Variants in FBXO9 observed in about 807,000 individuals in gnomAD.
The protein encoded by FBXO9 is F-box protein 9, also known as F-box only protein 9.
FBXO9 carries 43 observed loss-of-function variants against 63.7 expected under a neutral mutation model. The observed-to-expected ratio is 0.67, with a 90% CI of 0.53 to 0.87. The LOEUF is 0.87. Among genes scored for constraint, FBXO9 ranks in the 40% least tolerant of loss-of-function variants. The pLI, the probability that FBXO9 is intolerant of heterozygous loss-of-function variation, is 0.00. For synonymous variants in FBXO9, 156 were observed against 171.7 expected (o/e 0.91, Z 0.72); for missense variants, 442 against 533.2 (o/e 0.83, Z 1.68).
intron 4 of FBXO9, among the ~76,000 whole-genome samples, chr6:53,077,286 A>G (rs547796811): frequency 6.6e-6 from 1 of 151,862 alleles, no homozygotes; most frequent in South Asian, 2.1e-4. Context: ...CATCCCGGCT[A>G]AAACGGTGAA....
In FBXO9 at chr6:53,078,786, TTTC is replaced by T. The variant is rs1299558673; in HGVS notation, c.308-7_308-5del. On this transcript the variant is annotated splice_polypyrimidine_tract_variant and intron_variant, in intron 4 of 12. Coordinates refer to ENST00000323557, the MANE Select transcript of FBXO9 (RefSeq NM_033480.3). ...TGTGGTCACAGCTAATTTAGCTTTA[TTTC>T]TTCTTTTAGCCATCAAGTTTTATCG... 6.3e-7 allele frequency: 1 copy of T among 1,591,450 alleles called. No individual in the cohort carries two copies. Among genetic ancestry groups the T allele is most frequent in the East Asian group, 2.2e-5 (1 of 44,738 alleles).
intron 2 of FBXO9, among the ~76,000 whole-genome samples, chr6:53,073,123 T>C (rs1195047496): frequency 6.6e-6 from 1 of 152,232 alleles, no homozygotes; most frequent in Admixed American, 6.5e-5. Flanking sequence ...TTGGCAGCAT[T>C]CTTAATGTCT....
intron 7 of FBXO9, among the ~76,000 whole-genome samples, chr6:53,084,436 A>G (rs866191973): frequency 6.6e-5 from 10 of 152,232 alleles, no homozygotes; most frequent in Admixed American, 1.3e-4. Context: ...TGAAATTTCA[A>G]TTACACCATT....
intron 1 of FBXO9, among the ~76,000 whole-genome samples, chr6:53,069,625 G>A (rs1399487091): frequency 6.6e-6 from 1 of 152,140 alleles, no homozygotes; most frequent in East Asian, 1.9e-4. Flanking sequence ...CATATTTATT[G>A]ACACCTCAGC....
intron 7 of FBXO9, among the ~76,000 whole-genome samples, chr6:53,082,850 A>T (rs1262673716): frequency 6.6e-6 from 1 of 152,224 alleles, no homozygotes; most frequent in Non-Finnish European, 1.5e-5. Flanking sequence ...AGTAACCCAT[A>T]CTACTACCAT....
At chr6:53,090,384 CTA>C (rs1245954374) in intron 7 of FBXO9, among the ~76,000 whole-genome samples, 1 of 152,134 alleles carries the variant, frequency 6.6e-6, no homozygotes, top group East Asian at 1.9e-4. Flanking sequence ...TGAGAAAATA[CTA>C]TAAAGAAGGA....
chr6:53,065,743 G>C lies in FBXO9; in HGVS notation c.-47G>C. 7.0e-7 allele frequency: 1 copy of C among 1,423,728 alleles called. No individual in the cohort carries two copies. The highest frequency in any genetic ancestry group is 1.4e-5 in the South Asian group (1 of 70,806). 88.2% of individuals were successfully genotyped at this position (1,423,728 alleles called of 1,614,324 possible). A position where few individuals can be genotyped will look rare whatever the true frequency, so the allele number is the denominator to read the frequency against. On this transcript the variant is annotated 5_prime_UTR_variant, in exon 1 of 13. Transcript: ENST00000323557. ...CACCCCTCCTCCGGGGGGCGGTGCA[G>C]AGGGGGCACGGAGAGCCCCTCGAGC... is the stretch of plus-strand genomic sequence containing the variant.
At chr6:53,095,113 C>T (rs995414192) in intron 11 of FBXO9, among the ~76,000 whole-genome samples, 2 of 152,158 alleles carry the variant, frequency 1.3e-5, no homozygotes, top group African/African-American at 4.8e-5. Context: ...ATCACTTTCC[C>T]TCTTAAAAAA....
chr6:53,066,943 C>T lies in FBXO9; in HGVS notation c.3+1151C>T, dbSNP rs540501541. On this transcript the variant is annotated intron_variant, in intron 1 of 12. Coordinates refer to ENST00000323557, the MANE Select transcript of FBXO9 (RefSeq NM_033480.3). ...TAGTTTGTTTTTGTGATCATACTGTCAAAATCAAAGTAAGAATGGTTTAGA... is the reference window on the plus strand; with the variant it reads ...TAGTTTGTTTTTGTGATCATACTGTTAAAATCAAAGTAAGAATGGTTTAGA... 6.6e-5 allele frequency among the ~76,000 whole-genome samples: 10 copies of T among 152,312 alleles called. No individual in the cohort carries two copies. The East Asian group carries it at 1.9e-3, about 29-fold the overall frequency.
In FBXO9 at chr6:53,065,625, CA is replaced by C; in HGVS notation, c.-164del. ...AGATGGCTGCCGTACGCCGGGCCCG[CA>C]GTTATTGCCGCTGCCTGGTGCGCTT... On this transcript the variant is annotated 5_prime_UTR_variant, in exon 1 of 13. An upstream open reading frame in the 5' UTR loses its in-frame stop. Transcript: ENST00000323557. The C allele has an allele frequency of 1.3e-6, 1 of 797,390 alleles. No homozygotes were observed. The allele number at this position is 797,390 out of a possible 1,614,324, so 49.4% of individuals were successfully genotyped here.
intron 2 of FBXO9, 49 bp from the exon 3 acceptor site, chr6:53,073,432 G>A: frequency 1.9e-6 from 3 of 1,555,014 alleles, no homozygotes; most frequent in Non-Finnish European, 2.6e-6. Flanking sequence ...TTGTTCCAGA[G>A]TTGAGCTACC....
chr6:53,065,199 A>C (rs1411494145), upstream of FBXO9: 1 of 152,168 alleles, frequency 6.6e-6, no homozygotes, highest in Non-Finnish European at 1.5e-5. Flanking sequence ...GGGTTGTAAA[A>C]ATTTTTGAGG....
intron 3 of FBXO9, 70 bp from the exon 4 acceptor site, chr6:53,076,416 G>C (rs1359724554): frequency 2.1e-6 from 2 of 930,968 alleles, no homozygotes; most frequent in Non-Finnish European, 1.6e-6. Context: ...TATTAAAAAG[G>C]CTCTCCTTCT....
At chr6:53,085,646 T>G (rs1176098711) in intron 7 of FBXO9, among the ~76,000 whole-genome samples, 8 of 151,480 alleles carry the variant, frequency 5.3e-5, no homozygotes, top group Non-Finnish European at 1.2e-4. Context: ...TAATAGAAAT[T>G]TATAACTAAT....
At chr6:53,074,406 C>T (rs1054840780) in intron 3 of FBXO9, among the ~76,000 whole-genome samples, 3 of 152,172 alleles carry the variant, frequency 2.0e-5, no homozygotes, top group Admixed American at 6.5e-5. Context: ...TAACCTCCTC[C>T]GATGGTAACA....
chr6:53,097,756 A>G lies in FBXO9; in HGVS notation c.1240A>G (p.Ile414Val), dbSNP rs763080750. 8 of 1,606,478 alleles carry G rather than the reference A, an allele frequency of 5.0e-6. No homozygotes were observed. In the South Asian group the frequency reaches 5.5e-5, roughly 11 times the overall value. The change falls in exon 13 of 13, where the codon ATT (isoleucine) becomes GTT (valine). Residue 414 changes from isoleucine to valine, a missense_variant. Ile to Val is a conservative substitution (Grantham distance 29). This residue lies in a region of FBXO9 where 262 missense variants were observed against 362.1 expected (regional missense o/e 0.72). Transcript: ENST00000323557. The part of the protein sequence containing the change: ...TGETAVSAFE[I>V]DKMYTPLFFA... ...TGAGACTGCAGTCAGTGCTTTTGAG[A>G]TTGACAAGATGTACACCCCCTTGTT...
At position 53,081,015 on chromosome 6, in the gene FBXO9, A is replaced by T. The variant is rs761536754; in HGVS notation, c.455A>T (p.Tyr152Phe). ...DDSKMADLLS[Y>F]FQQQLTFQES... is the part of the protein sequence containing the mutation. ...AGCAAAATGGCAGATCTCTTGTCCT[A>T]CTTCCAGCAGCAACTCACATTTCAG... The change falls in exon 6 of 13, where the codon TAC becomes TTC. Residue 152 changes from tyrosine to phenylalanine, a missense_variant. Transcript: ENST00000323557. 6.2e-7 allele frequency: 1 copy of T among 1,613,638 alleles called. No homozygotes were observed. Among genetic ancestry groups the T allele is most frequent in the Non-Finnish European group, 8.5e-7 (1 of 1,179,886 alleles).
chr6:53,093,216 A>G (rs1763096941), intron 9 of FBXO9: 1 of 423,346 alleles, frequency 2.4e-6, no homozygotes, highest in African/African-American at 2.0e-5. Context: ...ACAATATTTG[A>G]CTTTTATTCA....
chr6:53,080,301 TTTTTTTTG>T (rs1186352162), intron 5 of FBXO9, among the ~76,000 whole-genome samples: 2 of 152,034 alleles, frequency 1.3e-5, no homozygotes, highest in African/African-American at 2.4e-5. Flanking sequence ...TTCCTGGTTT[TTTTTTTTG>T]TTTTTTTGTT....
Sources: allele counts gnomAD v4.1 joint callset (sites outside exome capture counted in the v4.1 genomes callset), GRCh38; gene constraint gnomAD v4.1.1; regional missense constraint gnomAD v4.1.1; transcripts MANE v1.5; gene names NCBI Gene and HGNC (gene_info 2026-07-23, HGNC 2026-07-21).